Variants in CMYA5 observed in about 807,000 individuals in gnomAD.
The protein encoded by CMYA5 is cardiomyopathy-associated protein 5.
Under a neutral mutation model 318.9 loss-of-function variants are expected in CMYA5, and 246 were observed. That is an observed-to-expected ratio of 0.77 (90% CI 0.70 to 0.86). The LOEUF (loss-of-function observed/expected upper bound fraction) is 0.86. Among genes scored for constraint, CMYA5 ranks in the 40% least tolerant of loss-of-function variants. CMYA5 has a pLI of 0.00. For synonymous variants in CMYA5, 1,641 were observed against 1,729.5 expected (o/e 0.95, Z 1.27); for missense variants, 4,589 against 4,678.2 (o/e 0.98, Z 0.56).
At chr5:79,760,192 T>C (rs1298958442) in intron 7 of CMYA5, among the ~76,000 whole-genome samples, 378 of 151,910 alleles carry the variant, frequency 2.5e-3, no homozygotes, top group African/African-American at 8.7e-3. Context: ...GGCCTGCTTT[T>C]TTTTTTTTTT....
Position 79,730,664 on chromosome 5 carries a change from A to G in CMYA5, c.1899A>G (p.Glu633=), listed in dbSNP as rs1476588507. ...AIAEHAVLSE[E]ENEEFEAYSP... ...CTGAACATGCAGTTTTGTCAGAAGAAGAGAATGAGGAATTTGAGGCTTATT... is the reference window on the plus strand; with the variant it reads ...CTGAACATGCAGTTTTGTCAGAAGAGGAGAATGAGGAATTTGAGGCTTATT... Residue 633 remains glutamate, a synonymous_variant, in exon 2 of 13, where the codon GAA becomes GAG. Transcript: ENST00000446378. 2.5e-6 allele frequency: 4 copies of G among 1,614,018 alleles called. No homozygotes were observed. Among genetic ancestry groups the G allele is most frequent in the Non-Finnish European group, 3.4e-6 (4 of 1,179,888 alleles).
intron 8 of CMYA5, chr5:79,762,415 G>A (rs1273340424): frequency 6.5e-6 from 1 of 154,326 alleles, no homozygotes; most frequent in Non-Finnish European, 1.4e-5. Flanking sequence ...AAGAAGTTTG[G>A]TATTATTTCT....
intron 1 of CMYA5, among the ~76,000 whole-genome samples, chr5:79,695,103 T>A (rs554580455): frequency 6.6e-6 from 1 of 152,310 alleles, no homozygotes; most frequent in South Asian, 2.1e-4. Flanking sequence ...AAAAAGTCCA[T>A]AGTCCCTGGA....
intron 4 of CMYA5, among the ~76,000 whole-genome samples, chr5:79,746,810 C>T (rs1404975884): frequency 6.6e-6 from 1 of 152,080 alleles, no homozygotes; most frequent in Non-Finnish European, 1.5e-5. Flanking sequence ...ATCACAGAGA[C>T]AGAGCCAACT....
intron 5 of CMYA5, among the ~76,000 whole-genome samples, chr5:79,748,496 CCTAT>C (rs1365625840): frequency 7.6e-5 from 11 of 144,772 alleles, no homozygotes; most frequent in South Asian, 4.5e-4. Context: ...TTCCGAGTTC[CCTAT>C]CTATCTATCT....
intron 12 of CMYA5, among the ~76,000 whole-genome samples, chr5:79,797,770 C>T (rs1829299420): frequency 6.6e-6 from 1 of 152,184 alleles, no homozygotes; most frequent in Admixed American, 6.5e-5. Flanking sequence ...TCCTAAAAGT[C>T]ACCCCCATGT....
intron 7 of CMYA5, among the ~76,000 whole-genome samples, chr5:79,760,530 G>A (rs1828631495): frequency 6.6e-6 from 1 of 152,182 alleles, no homozygotes; most frequent in Non-Finnish European, 1.5e-5. Flanking sequence ...CATGGCAGAA[G>A]GTGAAGGGGA....
At position 79,734,157 on chromosome 5, in the gene CMYA5, A is replaced by G; in HGVS notation, c.5392A>G (p.Asn1798Asp). ...GCTAAGTGAAGAAACAGGCCACCCA[A>G]ATTCATCCCAGGTACTCCAGAGTAT... ...DKLSEETGHP[N>D]SSQVLQSITE... is the part of the protein sequence containing the mutation. The change falls in exon 2 of 13, where the codon AAT becomes GAT. Residue 1798 changes from asparagine to aspartate, a missense_variant. Coordinates refer to ENST00000446378, the MANE Select transcript of CMYA5 (RefSeq NM_153610.5). 1 of 1,613,828 alleles carries G rather than the reference A, an allele frequency of 6.2e-7. No individual in the cohort carries two copies. Among genetic ancestry groups the G allele is most frequent in the Non-Finnish European group, 8.5e-7 (1 of 1,179,822 alleles).
chr5:79,729,029 T>C lies in CMYA5; in HGVS notation c.264T>C (p.Asn88=), dbSNP rs1394335782. ...REDSGITWET[N]SSRSSTPWAS... ...ATAGTGGGATAACCTGGGAAACCAA[T>C]TCAAGTAGATCTTCTACTCCTTGGG... Residue 88 remains asparagine, a synonymous_variant, in exon 2 of 13, where the codon AAT becomes AAC. Transcript: ENST00000446378. 6.2e-7 allele frequency: 1 copy of C among 1,613,852 alleles called. No homozygotes were observed. Among genetic ancestry groups the C allele is most frequent in the East Asian group, 2.2e-5 (1 of 44,898 alleles).
At chr5:79,750,356 A>G (rs1828407118) in intron 5 of CMYA5, among the ~76,000 whole-genome samples, 1 of 152,220 alleles carries the variant, frequency 6.6e-6, no homozygotes, top group Non-Finnish European at 1.5e-5. Flanking sequence ...AATACAGTAT[A>G]TAATATGTAT....
Position 79,733,540 on chromosome 5 carries a change from A to T in CMYA5, c.4775A>T (p.Asn1592Ile). ...TTACTGCTCCTCAGTGATGATAAGA[A>T]CAAACCGGCAGTGGAGGTATCTTCT... Reference protein sequence around the residue: ...PTLLLLSDDKNKPAVEVSSTA... With the variant: ...PTLLLLSDDKIKPAVEVSSTA... Residue 1592 changes from asparagine to isoleucine, a missense_variant, in exon 2 of 13, where the codon AAC becomes ATC. Physicochemically the swap from Asn to Ile is moderately radical, Grantham distance 149. This residue lies in a region of CMYA5 where 2,132 missense variants were observed against 2,131.3 expected (regional missense o/e 1.00). Coordinates refer to ENST00000446378, the MANE Select transcript of CMYA5 (RefSeq NM_153610.5). The T allele has an allele frequency of 6.2e-7, 1 of 1,613,944 alleles. No homozygotes were observed. The highest frequency in any genetic ancestry group is 2.2e-5 in the East Asian group (1 of 44,882).
At chr5:79,787,113 A>G (rs1282886576) in intron 9 of CMYA5, among the ~76,000 whole-genome samples, 2 of 152,224 alleles carry the variant, frequency 1.3e-5, no homozygotes, top group African/African-American at 4.8e-5. Context: ...ACAAAACAGT[A>G]TCCTTGCTGT....
rs773268544 is a variant in CMYA5, at chr5:79,736,844, T to G, written c.8079T>G (p.Thr2693=). ...KGGSVDITKE[T]VKQGFQEKAV... ...GTTCAGTAGATATCACAAAAGAAAC[T>G]GTGAAACAAGGATTTCAAGAAAAGG... Residue 2693 remains threonine, a synonymous_variant, in exon 2 of 13, where the codon ACT becomes ACG. Coordinates refer to ENST00000446378, the MANE Select transcript of CMYA5 (RefSeq NM_153610.5). The G allele has an allele frequency of 6.2e-7, 1 of 1,611,138 alleles. No individual in the cohort carries two copies. The highest frequency in any genetic ancestry group is 8.5e-7 in the Non-Finnish European group (1 of 1,179,512).
intron 7 of CMYA5, among the ~76,000 whole-genome samples, chr5:79,761,189 A>C (rs1828643580): frequency 6.6e-6 from 1 of 152,198 alleles, no homozygotes; most frequent in Admixed American, 6.5e-5. Flanking sequence ...ATATTTTTTA[A>C]AATTTTTGAA....
At chr5:79,694,749 A>G (rs1301513466) in intron 1 of CMYA5, among the ~76,000 whole-genome samples, 2 of 152,166 alleles carry the variant, frequency 1.3e-5, no homozygotes, top group Non-Finnish European at 2.9e-5. Flanking sequence ...GTTTCCATAT[A>G]TCTATTTATA....
At position 79,690,012 on chromosome 5, in the gene CMYA5, G is replaced by A; in HGVS notation, c.105G>A (p.Glu35=). Residue 35 remains glutamate (E), a synonymous_variant, in exon 1 of 13, where the codon GAG becomes GAA. Transcript: ENST00000446378. ...AGACCGAGGAGGAGTCGGAGGGCGA[G>A]GAGGACGAGACGGCGGCGGAGTCGG... is the stretch of plus-strand genomic sequence containing the variant. ...ELETEEESEG[E]EDETAAESEE... is the part of the protein sequence containing the mutation. 6.7e-7 allele frequency: 1 copy of A among 1,489,364 alleles called. No homozygotes were observed. The highest frequency in any genetic ancestry group is 1.3e-5 in the South Asian group (1 of 78,688). The allele number at this position is 1,489,364 out of a possible 1,614,324, so 92.3% of individuals were successfully genotyped here.
In CMYA5 at chr5:79,739,212, A is replaced by G. The variant is rs376222907; in HGVS notation, c.10447A>G (p.Ser3483Gly). The G allele has an allele frequency of 2.0e-5, 32 of 1,613,222 alleles. No individual in the cohort carries two copies. Among genetic ancestry groups the G allele is most frequent in the Non-Finnish European group, 2.1e-5 (25 of 1,179,644 alleles). The change falls in exon 2 of 13, where the codon AGC (serine) becomes GGC (glycine). Residue 3483 changes from serine (S) to glycine (G), a missense_variant. Around this residue, in one of 3 missense-constraint regions of CMYA5, gnomAD observed 2,431 missense variants for 2,495.1 expected, o/e 0.97. Coordinates refer to ENST00000446378, the MANE Select transcript of CMYA5 (RefSeq NM_153610.5). ...STPAEQKELGSERKEEDQLSS... is the reference protein window; with the variant it reads ...STPAEQKELGGERKEEDQLSS... Reference sequence around the variant, plus strand: ...ACCTGCTGAACAAAAAGAGTTGGGCAGCGAGAGGAAAGAAGAAGACCAATT... The same window carrying G: ...ACCTGCTGAACAAAAAGAGTTGGGCGGCGAGAGGAAAGAAGAAGACCAATT...
chr5:79,752,231 ATCGAGGTT>A (rs1434611147), intron 5 of CMYA5, among the ~76,000 whole-genome samples: 8 of 152,242 alleles, frequency 5.3e-5, no homozygotes, highest in Non-Finnish European at 1.5e-5. Context: ...GAAGCTTAAT[ATCGAGGTT>A]TGAGAACAAG....
chr5:79,723,275 C>T (rs1827677630), intron 1 of CMYA5, among the ~76,000 whole-genome samples: 1 of 151,752 alleles, frequency 6.6e-6, no homozygotes, highest in African/African-American at 2.4e-5. Flanking sequence ...CTCATCTCTA[C>T]TAAAAATACA....
Sources: gnomAD v4.1 joint callset for allele counts (sites outside exome capture counted in the v4.1 genomes callset) on GRCh38, gnomAD v4.1.1 for gene constraint, gnomAD v4.1.1 regional missense constraint, MANE v1.5 for transcripts, NCBI Gene and HGNC (gene_info 2026-07-23, HGNC 2026-07-21) for gene names.